The following FSD2 variants were observed in gnomAD, a reference collection of about 807,000 sequenced individuals.
FSD2 encodes the protein fibronectin type III and SPRY domain-containing protein 2.
FSD2 carries 71 observed loss-of-function variants against 80.4 expected under a neutral mutation model. The ratio of observed to expected loss-of-function variants is 0.88; its 90% CI spans 0.73 to 1.08. The LOEUF is 1.08. FSD2 is among the 50% of genes least tolerant of loss of function. The probability of loss-of-function intolerance (pLI) is 0.00; values close to 1 mark genes in which losing one functional copy is unlikely to be tolerated. For synonymous variants in FSD2, 361 were observed against 329.5 expected, an observed-to-expected ratio of 1.10 and a Z score of -1.03; for missense variants, 923 against 913.8, an observed-to-expected ratio of 1.01 and a Z score of -0.13.
rs1238870459 is a variant in FSD2, at chr15:82,780,242, T to C, written c.989+3A>G. 2.7e-6 allele frequency: 4 copies of C among 1,505,804 alleles called. No individual in the cohort carries two copies. Among genetic ancestry groups the C allele is most frequent in the Non-Finnish European group, 3.6e-6 (4 of 1,123,926 alleles). The allele number at this position is 1,505,804 out of a possible 1,614,324, so 93.3% of individuals were successfully genotyped here. On this transcript the variant is annotated splice_donor_region_variant and intron_variant, in intron 5 of 12. Coordinates refer to ENST00000334574, the MANE Select transcript of FSD2 (RefSeq NM_001007122.4). ...GAAATACATACTAGAACAAATGTAT[T>C]ACCTGTCAGCCATAGCCACTGCATC...
chr15:82,759,240 A>T lies in FSD2; in HGVS notation c.*108T>A, dbSNP rs751566454. On this transcript the variant is annotated 3_prime_UTR_variant, in exon 13 of 13. Transcript: ENST00000334574. ...CCAGTCAGATAATAGCATGAGCCAT[A>T]AATTGTGCTGGGCACATGGTGCTTA... 9.9e-6 allele frequency: 12 copies of T among 1,213,964 alleles called. No individual in the cohort carries two copies. Among genetic ancestry groups the T allele is most frequent in the Non-Finnish European group, 1.4e-5 (12 of 883,366 alleles). The allele number at this position is 1,213,964 out of a possible 1,614,324, so 75.2% of individuals were successfully genotyped here.
chr15:82,763,859 C>T (rs2049346683), intron 11 of FSD2, among the ~76,000 whole-genome samples: 2 of 152,208 alleles, frequency 1.3e-5, no homozygotes, highest in Admixed American at 1.3e-4. Flanking sequence ...GACTTTCCTG[C>T]CTCATCTTCC....
intron 1 of FSD2, among the ~76,000 whole-genome samples, chr15:82,788,907 G>C (rs539341250): frequency 9.9e-5 from 15 of 151,834 alleles, no homozygotes; most frequent in Admixed American, 7.9e-4. Context: ...CCAGCTACTA[G>C]GGAGGCTGAG....
chr15:82,758,423 C>T lies in FSD2; in HGVS notation c.*925G>A, dbSNP rs962764269. 2 of 152,836 alleles carry T rather than the reference C, an allele frequency of 1.3e-5. No individual in the cohort carries two copies. Among genetic ancestry groups the T allele is most frequent in the South Asian group, 4.1e-4 (2 of 4,828 alleles). 9.5% of individuals were successfully genotyped at this position (152,836 alleles called of 1,614,324 possible). ...CTAGCTAGAGATCAGTCTTCCTTCC[C>T]GTGCTCAGCTTTGCCCTTTGGTGGG... On this transcript the variant is annotated 3_prime_UTR_variant, in exon 13 of 13. Coordinates refer to ENST00000334574, the MANE Select transcript of FSD2 (RefSeq NM_001007122.4).
At chr15:82,778,618 C>A in intron 6 of FSD2, 148 bp downstream of exon 6, 1 of 874,652 alleles carries the variant, frequency 1.1e-6, no homozygotes, top group Admixed American at 3.0e-5. Context: ...GTATGCTGTA[C>A]AACACAGTAC....
chr15:82,793,947 C>G (rs2151532812), intron 1 of FSD2, among the ~76,000 whole-genome samples: 1 of 152,000 alleles, frequency 6.6e-6, no homozygotes, highest in East Asian at 1.9e-4. Context: ...AAATAATCTG[C>G]TTTTGGTTTC....
At chr15:82,786,085 G>A (rs1360815702) in intron 3 of FSD2, among the ~76,000 whole-genome samples, 4 of 152,054 alleles carry the variant, frequency 2.6e-5, no homozygotes, top group Admixed American at 2.6e-4. Flanking sequence ...AAAAGAATTC[G>A]AATAAGGGTC....
chr15:82,759,365 GT>G lies in FSD2; in HGVS notation c.2232del (p.Lys744AsnfsTer10), dbSNP rs2049235283. On this transcript the variant is annotated frameshift_variant, in exon 13 of 13. Coordinates refer to ENST00000334574, the MANE Select transcript of FSD2 (RefSeq NM_001007122.4). LOFTEE classifies it high-confidence loss of function. ...LKVHNGISMP[K>X]HVTFY is the part of the protein sequence containing the mutation. ...AGAATGTTCTAATAGAAAGTGACAT[GT>G]TTTGGCATTGAAATGCCATTATGTA... is the stretch of plus-strand genomic sequence containing the variant. 6.2e-7 allele frequency: 1 copy of G among 1,613,206 alleles called. No homozygotes were observed. The highest frequency in any genetic ancestry group is 1.7e-5 in the Admixed American group (1 of 59,840).
rs531787326 is a variant in FSD2 at position 82,793,415 on chromosome 15, T to C, written c.-78-5947A>G. ...CATCAATTCATGTATTAGTAACTTATACATGTATTGTCAAGTATGACATCC... is the reference window on the plus strand; with the variant it reads ...CATCAATTCATGTATTAGTAACTTACACATGTATTGTCAAGTATGACATCC... On this transcript the variant is annotated intron_variant, in intron 1 of 12. Transcript: ENST00000334574. 1.8e-3 allele frequency among the ~76,000 whole-genome samples: 272 copies of C among 152,324 alleles called. 1 individual carries two copies. The highest frequency in any genetic ancestry group is 3.1e-3 in the Non-Finnish European group (214 of 68,022).
rs750210380 is a variant in FSD2 at position 82,787,234 on chromosome 15, T to C, written c.157A>G (p.Asn53Asp). 9 of 1,613,766 alleles carry C rather than the reference T, an allele frequency of 5.6e-6. No individual in the cohort carries two copies. Among genetic ancestry groups the C allele is most frequent in the Non-Finnish European group, 7.6e-6 (9 of 1,179,880 alleles). ...MRKVVQAEMA[N>D]ESRGAGDGKA... The stretch of plus-strand genomic sequence containing the variant: ...CCATCCCCTGCTCCTCTTGACTCAT[T>C]GGCCATTTCAGCTTGGACTACTTTC... Residue 53 changes from asparagine to aspartate, a missense_variant, in exon 2 of 13, where the codon AAT (asparagine) becomes GAT (aspartate). Transcript: ENST00000334574.
chr15:82,788,195 A>G (rs2151522853), intron 1 of FSD2, among the ~76,000 whole-genome samples: 1 of 152,228 alleles, frequency 6.6e-6, no homozygotes, highest in South Asian at 2.1e-4. Flanking sequence ...AAAAAACTGT[A>G]CTTAAAAGTA....
intron 1 of FSD2, among the ~76,000 whole-genome samples, chr15:82,791,401 C>T (rs2050148871): frequency 6.6e-6 from 1 of 151,872 alleles, no homozygotes; most frequent in Non-Finnish European, 1.5e-5. Context: ...GACATGGTCT[C>T]CCTCTGTCAC....
intron 3 of FSD2, among the ~76,000 whole-genome samples, chr15:82,785,418 G>A (rs1038998787): frequency 2.0e-5 from 3 of 150,956 alleles, no homozygotes; most frequent in Admixed American, 6.6e-5. Flanking sequence ...TCTGCCTCCC[G>A]GGTTCCAGCA....
chr15:82,796,102 A>G (rs2050261881), intron 1 of FSD2: 1 of 149,716 alleles, frequency 6.7e-6, no homozygotes, highest in Non-Finnish European at 1.5e-5. Flanking sequence ...TCTGGTTTCA[A>G]GTGATTCTCC....
intron 9 of FSD2, among the ~76,000 whole-genome samples, chr15:82,766,829 C>G (rs1163074414): frequency 1.3e-5 from 2 of 151,712 alleles, no homozygotes; most frequent in Non-Finnish European, 2.9e-5. Flanking sequence ...AACCCCCTAA[C>G]AGCTGCCTAT....
Position 82,780,314 on chromosome 15 carries a change from TTC to T in FSD2, c.967-49_967-48del, listed in dbSNP as rs764470937. The T allele has an allele frequency of 1.7e-5, 23 of 1,328,332 alleles. No homozygotes were observed. In the South Asian group the frequency reaches 2.7e-4, roughly 16 times the overall value. The allele number at this position is 1,328,332 out of a possible 1,614,324, so 82.3% of individuals were successfully genotyped here. A position where few individuals can be genotyped will look rare whatever the true frequency, so the allele number is the denominator to read the frequency against. On this transcript the variant is annotated intron_variant, in intron 4 of 12. Transcript: ENST00000334574. Reference sequence around the variant, plus strand: ...TATTAAGTTGATTTTGGAAATAAATTTCTTTTTTCTTTTTCTTTCTTTCTTTT... The same window carrying T: ...TATTAAGTTGATTTTGGAAATAAATTTTTTTTCTTTTTCTTTCTTTCTTTT...
At chr15:82,794,418 C>T (rs530136903) in intron 1 of FSD2, among the ~76,000 whole-genome samples, 5 of 152,116 alleles carry the variant, frequency 3.3e-5, no homozygotes, top group Non-Finnish European at 7.4e-5. Flanking sequence ...TCTTAGAGAA[C>T]GTTCCATAGG....
chr15:82,778,837 G>A lies in FSD2; in HGVS notation c.1040C>T (p.Pro347Leu). Residue 347 changes from proline to leucine, a missense_variant, in exon 6 of 13, where the codon CCT becomes CTT. Coordinates refer to ENST00000334574, the MANE Select transcript of FSD2 (RefSeq NM_001007122.4). ...TKTDVEISAQ[P>L]EFEDQTLDFS... ...ATCCAAGGTCTGGTCTTCAAACTCA[G>A]GCTGTGCAGAGATTTCCACGTCTGT... 6.2e-7 allele frequency: 1 copy of A among 1,613,954 alleles called. No individual in the cohort carries two copies. The highest frequency in any genetic ancestry group is 8.5e-7 in the Non-Finnish European group (1 of 1,179,882).
chr15:82,802,702 G>T (rs983699112), intron 1 of FSD2, among the ~76,000 whole-genome samples: 3 of 152,096 alleles, frequency 2.0e-5, no homozygotes, highest in African/African-American at 7.2e-5. Flanking sequence ...GCAGCAGCAG[G>T]TCTCCCCAGC....
Sources: gnomAD v4.1 joint callset for allele counts (sites outside exome capture counted in the v4.1 genomes callset) on GRCh38, gnomAD v4.1.1 for gene constraint, MANE v1.5 for transcripts, NCBI Gene and HGNC (gene_info 2026-07-23, HGNC 2026-07-21) for gene names.